TF: variants seen among roughly 807,000 people sequenced by gnomAD.
TF encodes the protein transferrin.
A neutral mutation model predicts 82.4 loss-of-function variants in TF; 55 were observed. The observed-to-expected ratio is 0.67, with a 90% CI of 0.54 to 0.84. The LOEUF is 0.84. Among genes scored for constraint, TF ranks in the 40% least tolerant of loss-of-function variants. The pLI is 0.00. For synonymous variants in TF, 332 were observed against 332.6 expected, an observed-to-expected ratio of 1.00 and a Z score of 0.02; for missense variants, 737 against 868.4, an observed-to-expected ratio of 0.85 and a Z score of 1.90.
In TF at chr3:133,782,442, A is replaced by C. The variant is rs368156387; in HGVS notation, c.*3822A>C. ...CTGTATACACACACACACACACACA[A>C]TGGAATATTATTCAGCCCTAAAAAG... is the stretch of plus-strand genomic sequence containing the variant. On this transcript the variant is annotated 3_prime_UTR_variant, in exon 17 of 17. Transcript: ENST00000402696. 1 of 146,678 alleles carries C rather than the reference A, an allele frequency of 6.8e-6. No individual in the cohort carries two copies. Among genetic ancestry groups the C allele is most frequent in the Non-Finnish European group, 1.5e-5 (1 of 67,004 alleles). 9.1% of individuals were successfully genotyped at this position (146,678 alleles called of 1,614,324 possible). A position where few individuals can be genotyped will look rare whatever the true frequency, so the allele number is the denominator to read the frequency against.
the TF span, chr3:133,700,364 G>C: frequency 5.9e-5 from 9 of 152,510 alleles, no homozygotes; most frequent in Admixed American, 2.0e-4. Context: ...GTGGCTTTGG[G>C]CCAGTCAACC....
the TF span, among the ~76,000 whole-genome samples, chr3:133,696,077 T>TGA: frequency 1.2e-4 from 18 of 151,962 alleles, no homozygotes; most frequent in Admixed American, 2.6e-4. Flanking sequence ...GAAGATATTT[T>TGA]GAGAGAGAGA....
the TF span, among the ~76,000 whole-genome samples, chr3:133,695,216 G>T: frequency 6.6e-6 from 1 of 151,240 alleles, no homozygotes; most frequent in African/African-American, 2.4e-5. Flanking sequence ...AGGATGGTGT[G>T]GACCCCACCC....
intron 2 of TF, 135 bp from the exon 3 acceptor site, chr3:133,753,460 A>G: frequency 1.4e-6 from 1 of 737,654 alleles, no homozygotes; most frequent in Non-Finnish European, 2.4e-6. Context: ...TGAAGCCAGC[A>G]GGGCTGTGCG....
chr3:133,728,985 G>A, the TF span, among the ~76,000 whole-genome samples: 726 of 152,282 alleles, frequency 4.8e-3, 3 homozygotes, highest in Non-Finnish European at 5.2e-3. Context: ...TGTGAACCGC[G>A]AATGCTGCTG....
the TF span, among the ~76,000 whole-genome samples, chr3:133,695,071 C>T: frequency 6.6e-6 from 1 of 151,896 alleles, no homozygotes; most frequent in African/African-American, 2.4e-5. Flanking sequence ...GCCGTCACCT[C>T]TGTGAGGAAA....
chr3:133,687,402 T>C, the TF span, among the ~76,000 whole-genome samples: 13 of 152,130 alleles, frequency 8.5e-5, no homozygotes, highest in African/African-American at 3.1e-4. Context: ...GTAGGAAGCT[T>C]TCTTTTTTTC....
At chr3:133,712,392 G>C in the TF span, among the ~76,000 whole-genome samples, 4 of 152,170 alleles carry the variant, frequency 2.6e-5, no homozygotes, top group African/African-American at 4.8e-5. Flanking sequence ...GTTAAACTCT[G>C]TGTCCATCTT....
chr3:133,715,316 A>G, the TF span, among the ~76,000 whole-genome samples: 1 of 151,936 alleles, frequency 6.6e-6, no homozygotes, highest in African/African-American at 2.4e-5. Flanking sequence ...AAATTCTACA[A>G]CACCCTGCTG....
At chr3:133,680,645 T>G in the TF span, among the ~76,000 whole-genome samples, 1 of 152,128 alleles carries the variant, frequency 6.6e-6, no homozygotes, top group African/African-American at 2.4e-5. Flanking sequence ...TCTACTCCCT[T>G]GGTTGTGCTT....
the TF span, among the ~76,000 whole-genome samples, chr3:133,667,359 A>AAC: frequency 3.3e-5 from 5 of 151,198 alleles, no homozygotes; most frequent in Admixed American, 2.0e-4. Flanking sequence ...TCTGACTCAA[A>AAC]AAAAAAAAAA....
the TF span, among the ~76,000 whole-genome samples, chr3:133,729,457 T>C: frequency 6.6e-6 from 1 of 152,244 alleles, no homozygotes; most frequent in African/African-American, 2.4e-5. Flanking sequence ...TAGGACCCTC[T>C]GAGCCAGGTG....
At chr3:133,699,901 A>T in the TF span, 1 of 194,702 alleles carries the variant, frequency 5.1e-6, no homozygotes, top group Non-Finnish European at 1.1e-5. Flanking sequence ...TTCATTCTAA[A>T]CAGGTCCTCA....
the TF span, among the ~76,000 whole-genome samples, chr3:133,736,926 C>T: frequency 6.6e-6 from 1 of 152,244 alleles, no homozygotes. Context: ...AAAAAATTAA[C>T]AAGGATATTC....
chr3:133,673,702 G>C, the TF span, among the ~76,000 whole-genome samples: 1 of 148,884 alleles, frequency 6.7e-6, no homozygotes, highest in South Asian at 2.1e-4. Flanking sequence ...TGTGGGAGGG[G>C]GTTGTGCCAG....
Position 133,787,555 on chromosome 3 carries a change from C to T in TF, c.*8935C>T, listed in dbSNP as rs1209540436. 1 of 152,174 alleles carries T rather than the reference C, an allele frequency of 6.6e-6. No individual in the cohort carries two copies. Among genetic ancestry groups the T allele is most frequent in the Admixed American group, 6.5e-5 (1 of 15,288 alleles). 9.4% of individuals were successfully genotyped at this position (152,174 alleles called of 1,614,324 possible). ...TAAAAGTAGAAATAGTATAATAACACTTTTTGTAAATAGCTTTTAAAAACT... is the reference window on the plus strand; with the variant it reads ...TAAAAGTAGAAATAGTATAATAACATTTTTTGTAAATAGCTTTTAAAAACT... On this transcript the variant is annotated 3_prime_UTR_variant, in exon 17 of 17. Coordinates refer to ENST00000402696, the MANE Select transcript of TF (RefSeq NM_001063.4).
chr3:133,728,325 C>T, the TF span, among the ~76,000 whole-genome samples: 1 of 152,266 alleles, frequency 6.6e-6, no homozygotes, highest in South Asian at 2.1e-4. Context: ...TCACATAGTC[C>T]CATATTTCTT....
chr3:133,681,992 T>A, the TF span, among the ~76,000 whole-genome samples: 1 of 152,216 alleles, frequency 6.6e-6, no homozygotes, highest in African/African-American at 2.4e-5. Flanking sequence ...GGTGCCCATC[T>A]GAGACGAAGC....
chr3:133,693,250 T>C, the TF span, among the ~76,000 whole-genome samples: 81,367 of 151,982 alleles, frequency 0.54, 23,037 homozygotes, highest in East Asian at 0.93. Context: ...GAAAGGCTCA[T>C]TGGGGATTCT....
Sources: gnomAD v4.1 joint callset for allele counts (sites outside exome capture counted in the v4.1 genomes callset) on GRCh38, gnomAD v4.1.1 for gene constraint, MANE v1.5 for transcripts, NCBI Gene and HGNC (gene_info 2026-07-23, HGNC 2026-07-21) for gene names.